The following CADM2 variants were observed in gnomAD, a reference collection of about 807,000 sequenced individuals.
CADM2 encodes the protein immunoglobulin superfamily member 4D.
Under a neutral mutation model 49.8 loss-of-function variants are expected in CADM2, and 12 were observed. The observed-to-expected ratio is 0.24, with a 90% CI of 0.15 to 0.39. The LOEUF (loss-of-function observed/expected upper bound fraction) is 0.39. Ranked by LOEUF, CADM2 falls within the 10% of genes least tolerant of loss-of-function variation. The pLI is 1.00. For missense variants in CADM2, 378 were observed against 492.3 expected, an observed-to-expected ratio of 0.77 and a Z score of 2.20; for synonymous variants, 214 against 175.4, an observed-to-expected ratio of 1.22 and a Z score of -1.74.
rs558654126 is a variant in CADM2 at position 85,607,658 on chromosome 3, AT to A, written c.62-118852del. ...ATACACCTGCGTATTCAAAATAATT[AT>A]TTTTTTTTTTTCTCTGAGATGGAAT... On this transcript the variant is annotated intron_variant, in intron 1 of 9. Coordinates refer to ENST00000383699, the MANE Select transcript of CADM2 (RefSeq NM_001167675.2). Among the ~76,000 whole-genome samples the A allele has an allele frequency of 9.7e-3, 1,415 of 146,030 alleles. 8 individuals carry two copies. Among genetic ancestry groups the A allele is most frequent in the Middle Eastern group, 0.015 (4 of 274 alleles).
At chr3:85,931,920 A>C (rs991113441) in intron 6 of CADM2, among the ~76,000 whole-genome samples, 5 of 151,176 alleles carry the variant, frequency 3.3e-5, no homozygotes, top group South Asian at 2.1e-4. Context: ...TTAATTATTA[A>C]AATTATTAAA....
At chr3:85,838,842 A>T (rs2074515602) in intron 3 of CADM2, among the ~76,000 whole-genome samples, 1 of 151,838 alleles carries the variant, frequency 6.6e-6, no homozygotes, top group South Asian at 2.1e-4. Flanking sequence ...GACTTGGATG[A>T]TTCAAAGGTT....
At chr3:85,359,666 A>ATATATATTTTTTTTTTTT in intron 1 of CADM2, among the ~76,000 whole-genome samples, 35 of 26,532 alleles carry the variant, frequency 1.3e-3, no homozygotes, top group African/African-American at 3.6e-3. Context: ...ATATATATAT[A>ATATATATTTTTTTTTTTT]TTTTTTTTTT....
chr3:85,735,387 G>T (rs937678928), intron 2 of CADM2, among the ~76,000 whole-genome samples: 13 of 152,114 alleles, frequency 8.5e-5, no homozygotes, highest in African/African-American at 2.4e-4. Context: ...ATATTCAACA[G>T]CCCTGTAAGA....
At chr3:85,338,252 G>C (rs1559787280) in intron 1 of CADM2, among the ~76,000 whole-genome samples, 2 of 151,614 alleles carry the variant, frequency 1.3e-5, no homozygotes, top group Admixed American at 6.6e-5. Context: ...CACAGGCAGA[G>C]TCTAGTGCTC....
At position 85,294,614 on chromosome 3, in the gene CADM2, A is replaced by T. The variant is rs562842351; in HGVS notation, c.61+334946A>T. Among the ~76,000 whole-genome samples, 836 of 152,122 alleles carry T rather than the reference A, an allele frequency of 5.5e-3. 6 individuals carry two copies. The highest frequency in any genetic ancestry group is 0.019 in the African/African-American group (794 of 41,458). On this transcript the variant is annotated intron_variant, in intron 1 of 9. Transcript: ENST00000383699. The stretch of plus-strand genomic sequence containing the variant: ...GAGATATAGATCAATGGAACAGAAC[A>T]GAGCCCTCAGAAATAACGCTGCATA...
At chr3:85,183,382 A>G (rs1331685483) in intron 1 of CADM2, among the ~76,000 whole-genome samples, 3 of 152,162 alleles carry the variant, frequency 2.0e-5, no homozygotes, top group East Asian at 1.9e-4. Flanking sequence ...ATTATCCTAT[A>G]AGAAAGCATG....
At chr3:85,938,723 T>C (rs1327989321) in intron 7 of CADM2, among the ~76,000 whole-genome samples, 2 of 152,120 alleles carry the variant, frequency 1.3e-5, no homozygotes, top group Non-Finnish European at 2.9e-5. Flanking sequence ...TATAGCTTAG[T>C]ATTAAGTAAG....
intron 2 of CADM2, among the ~76,000 whole-genome samples, chr3:85,786,956 G>C (rs2071027251): frequency 6.6e-6 from 1 of 151,974 alleles, no homozygotes. Context: ...AGTCTGCTGG[G>C]AACTTGTTCA....
In CADM2 at chr3:85,233,013, A is replaced by G. The variant is rs1314839013; in HGVS notation, c.61+273345A>G. Among the ~76,000 whole-genome samples, 4 of 152,234 alleles carry G rather than the reference A, an allele frequency of 2.6e-5. No individual in the cohort carries two copies. In the East Asian group the frequency reaches 5.8e-4, roughly 22 times the overall value. On this transcript the variant is annotated intron_variant, in intron 1 of 9. Coordinates refer to ENST00000383699, the MANE Select transcript of CADM2 (RefSeq NM_001167675.2). The stretch of plus-strand genomic sequence containing the variant: ...AACAAATACCTCAATAGTTGAATGT[A>G]TAAGCAAATGAGGTAATTCATATAG...
chr3:85,702,019 G>GTTGA (rs1553667235), intron 1 of CADM2, among the ~76,000 whole-genome samples: 2 of 147,950 alleles, frequency 1.4e-5, no homozygotes, highest in Non-Finnish European at 3.0e-5. Flanking sequence ...TAGATAGATA[G>GTTGA]TTGATAGATA....
At chr3:85,733,565 A>G (rs527636522) in intron 2 of CADM2, among the ~76,000 whole-genome samples, 2 of 152,244 alleles carry the variant, frequency 1.3e-5, no homozygotes, top group East Asian at 3.9e-4. Context: ...ATTATTTCCA[A>G]TTGATTTAAT....
chr3:85,155,377 C>A (rs1252409283), intron 1 of CADM2, among the ~76,000 whole-genome samples: 13 of 151,852 alleles, frequency 8.6e-5, no homozygotes, highest in Admixed American at 3.3e-4. Context: ...ATCAATTCAA[C>A]AAGAAGAGCT....
chr3:85,730,824 A>T (rs1213624070), intron 2 of CADM2, among the ~76,000 whole-genome samples: 2 of 152,182 alleles, frequency 1.3e-5, no homozygotes, highest in African/African-American at 4.8e-5. Flanking sequence ...TTTATTTTTA[A>T]GCAAAATTTG....
chr3:85,470,093 A>G lies in CADM2; in HGVS notation c.62-256429A>G, dbSNP rs539624584. Among the ~76,000 whole-genome samples the G allele has an allele frequency of 6.6e-5, 10 of 152,288 alleles. No homozygotes were observed. In the South Asian group the frequency reaches 1.9e-3, roughly 28 times the overall value. On this transcript the variant is annotated intron_variant, in intron 1 of 9. Coordinates refer to ENST00000383699, the MANE Select transcript of CADM2 (RefSeq NM_001167675.2). The stretch of plus-strand genomic sequence containing the variant: ...AATAATGTCTATTTATATTTGATTT[A>G]CCTTCAGGTGTCCAATAAACAGACT...
chr3:85,128,648 C>T (rs540808986), intron 1 of CADM2, among the ~76,000 whole-genome samples: 6 of 152,160 alleles, frequency 3.9e-5, no homozygotes, highest in African/African-American at 1.4e-4. Flanking sequence ...TATACTGTAC[C>T]ATTGAACTCA....
intron 8 of CADM2, among the ~76,000 whole-genome samples, chr3:85,984,146 T>C (rs1727803292): frequency 6.7e-6 from 1 of 150,182 alleles, no homozygotes; most frequent in Non-Finnish European, 1.5e-5. Context: ...TTATATATTA[T>C]ATATCATATG....
intron 1 of CADM2, among the ~76,000 whole-genome samples, chr3:85,240,083 A>G (rs1183091182): frequency 6.6e-6 from 1 of 151,468 alleles, no homozygotes; most frequent in Non-Finnish European, 1.5e-5. Flanking sequence ...TTGGTTTGGT[A>G]TCATTCATAA....
At chr3:85,479,848 A>G (rs2039137082) in intron 1 of CADM2, among the ~76,000 whole-genome samples, 3 of 151,962 alleles carry the variant, frequency 2.0e-5, no homozygotes, top group Admixed American at 6.6e-5. Context: ...AAATTCCCAA[A>G]TTTCTTATAG....
Sources: gnomAD v4.1 joint callset for allele counts (sites outside exome capture counted in the v4.1 genomes callset) on GRCh38, gnomAD v4.1.1 for gene constraint, MANE v1.5 for transcripts, NCBI Gene and HGNC (gene_info 2026-07-23, HGNC 2026-07-21) for gene names.